Variants in PRDM16 observed in about 807,000 individuals in gnomAD.
PRDM16 encodes histone-lysine N-methyltransferase PRDM16.
A neutral mutation model predicts 110.6 loss-of-function variants in PRDM16; 23 were observed. The ratio of observed to expected loss-of-function variants is 0.21; its 90% CI spans 0.15 to 0.29. The LOEUF is 0.29. Ranked by LOEUF, PRDM16 falls within the 10% of genes least tolerant of loss-of-function variation. The pLI, the probability that PRDM16 is intolerant of heterozygous loss-of-function variation, is 1.00. For missense variants in PRDM16, 1,615 were observed against 1,794.3 expected (o/e 0.90, Z 1.81); for synonymous variants, 799 against 781.8 (o/e 1.02, Z -0.37).
At chr1:3,428,081 G>A (rs1019073752) in intron 14 of PRDM16, among the ~76,000 whole-genome samples, 3 of 152,208 alleles carry the variant, frequency 2.0e-5, no homozygotes, top group Admixed American at 6.5e-5. Context: ...CATCCTTGCC[G>A]GGGTGGGCCC....
intron 3 of PRDM16, among the ~76,000 whole-genome samples, chr1:3,268,296 G>A (rs536165457): frequency 2.6e-5 from 4 of 152,354 alleles, no homozygotes; most frequent in African/African-American, 4.8e-5. Context: ...GTCAGGCTCC[G>A]AGCAATTAGG....
intron 3 of PRDM16, among the ~76,000 whole-genome samples, chr1:3,376,827 G>A (rs1642998748): frequency 6.8e-6 from 1 of 147,498 alleles, no homozygotes; most frequent in Non-Finnish European, 1.5e-5. Context: ...CCGCCGACCA[G>A]GCCTCCTGTG....
Position 3,411,955 on chromosome 1 carries a change from C to T in PRDM16, c.1758C>T (p.Ser586=). ...AGTTCGAGAGCCGCCTGGAGGACTC[C>T]TGTGTGGAGAAGCTGAAGACCAGGA... The part of the protein sequence containing the change: ...EEKFESRLED[S]CVEKLKTRSS... The change falls in exon 9 of 17, where the codon TCC becomes TCT. Residue 586 remains serine (S), a synonymous_variant. Coordinates refer to ENST00000270722, the MANE Select transcript of PRDM16 (RefSeq NM_022114.4). 1 of 1,613,728 alleles carries T rather than the reference C, an allele frequency of 6.2e-7. No homozygotes were observed. The highest frequency in any genetic ancestry group is 1.1e-5 in the South Asian group (1 of 91,078).
At chr1:3,200,973 G>A (rs1380377024) in intron 2 of PRDM16, among the ~76,000 whole-genome samples, 1 of 135,216 alleles carries the variant, frequency 7.4e-6, no homozygotes, top group Non-Finnish European at 1.5e-5. Flanking sequence ...GAGAAGAGGA[G>A]GAGGAAGAGG....
chr1:3,324,164 C>T (rs1570072926), intron 3 of PRDM16, among the ~76,000 whole-genome samples: 2 of 152,096 alleles, frequency 1.3e-5, no homozygotes, highest in South Asian at 4.1e-4. Context: ...CCAGGGGTCT[C>T]CGTCTCTCCC....
intron 1 of PRDM16, among the ~76,000 whole-genome samples, chr1:3,107,983 A>C (rs1181172621): frequency 6.6e-6 from 1 of 152,270 alleles, no homozygotes; most frequent in African/African-American, 2.4e-5. Flanking sequence ...CAGCACTGGC[A>C]CTGCCACAGT....
intron 2 of PRDM16, among the ~76,000 whole-genome samples, chr1:3,193,598 A>C (rs1159734030): frequency 2.6e-5 from 4 of 152,292 alleles, no homozygotes; most frequent in Middle Eastern, 3.4e-3. Context: ...GCAGGCAAGG[A>C]AGGCTCAACC....
In PRDM16 at chr1:3,412,368, C is replaced by T. The variant is rs777156928; in HGVS notation, c.2171C>T (p.Ala724Val). ...CTGGGCTCGCTCCCCTACCACTCGG[C>T]GTTCCCCTTCCAGTTCCTGCCCAAC... is the stretch of plus-strand genomic sequence containing the variant. ...KKLGSLPYHS[A>V]FPFQFLPNFP... The change falls in exon 9 of 17, where the codon GCG becomes GTG. Residue 724 changes from alanine (A) to valine (V), a missense_variant. This residue lies in a region of PRDM16 where 772 missense variants were observed against 748.3 expected (regional missense o/e 1.03). Transcript: ENST00000270722. 8.7e-6 allele frequency: 14 copies of T among 1,613,408 alleles called. No homozygotes were observed. The highest frequency in any genetic ancestry group is 4.4e-5 in the South Asian group (4 of 91,084).
At chr1:3,173,222 A>C (rs1422570487) in intron 1 of PRDM16, among the ~76,000 whole-genome samples, 2 of 152,242 alleles carry the variant, frequency 1.3e-5, no homozygotes, top group African/African-American at 2.4e-5. Flanking sequence ...GTGGTATATT[A>C]ACCAAGGAAT....
rs1019217619 is a variant in PRDM16 at position 3,069,575 on chromosome 1, C to A, written c.37+279C>A. Among the ~76,000 whole-genome samples, 17 of 148,980 alleles carry A rather than the reference C, an allele frequency of 1.1e-4. No individual in the cohort carries two copies. The highest frequency in any genetic ancestry group is 1.1e-3 in the Admixed American group (17 of 15,126). ...CCCACCAGTGTCAGGCGCTCGGGCC[C>A]GGGAACCCGAGGCGCGCGGTGGGGG... On this transcript the variant is annotated intron_variant, in intron 1 of 16. Transcript: ENST00000270722. The surrounding 1 kb of genome is among the most constrained non-coding windows in gnomAD (Gnocchi z 6.1).
intron 16 of PRDM16, 31 bp downstream of exon 16, chr1:3,432,171 C>T (rs1421473360): frequency 1.3e-6 from 2 of 1,596,658 alleles, no homozygotes; most frequent in South Asian, 1.1e-5. Context: ...CTCCCCCACC[C>T]CACCTGGCCT....
intron 8 of PRDM16, 120 bp from the exon 9 acceptor site, chr1:3,411,264 C>A: frequency 9.7e-7 from 1 of 1,032,246 alleles, no homozygotes; most frequent in Non-Finnish European, 1.4e-6. Context: ...AGACAGACTG[C>A]TTCCAGCCCC....
At chr1:3,216,481 A>C (rs1241257718) in intron 2 of PRDM16, among the ~76,000 whole-genome samples, 1 of 152,218 alleles carries the variant, frequency 6.6e-6, no homozygotes, top group Non-Finnish European at 1.5e-5. Flanking sequence ...AGACACACCC[A>C]GACACATCCC....
intron 1 of PRDM16, among the ~76,000 whole-genome samples, chr1:3,101,668 C>T (rs555770297): frequency 6.6e-6 from 1 of 152,312 alleles, no homozygotes; most frequent in South Asian, 2.1e-4. Context: ...AGCCGGAAGC[C>T]ACCAAGTGAG....
chr1:3,231,628 G>T (rs754971359), intron 2 of PRDM16, among the ~76,000 whole-genome samples: 7 of 152,266 alleles, frequency 4.6e-5, no homozygotes, highest in Admixed American at 6.5e-5. Context: ...AGGAAGGAAG[G>T]TCGGAGGAAC....
At position 3,116,520 on chromosome 1, in the gene PRDM16, G is replaced by A. The variant is rs138729325; in HGVS notation, c.37+47224G>A. Among the ~76,000 whole-genome samples, 129 of 152,210 alleles carry A rather than the reference G, an allele frequency of 8.5e-4. 1 individual carries two copies. The highest frequency in any genetic ancestry group is 3.0e-3 in the African/African-American group (126 of 41,522). On this transcript the variant is annotated intron_variant, in intron 1 of 16. Coordinates refer to ENST00000270722, the MANE Select transcript of PRDM16 (RefSeq NM_022114.4). ...GGTCCTGGTCTGGGCTCTGTCACTC[G>A]GGGACGCGCCTGCTTGTCTTTCCCC...
intron 3 of PRDM16, among the ~76,000 whole-genome samples, chr1:3,275,815 C>A (rs549506811): frequency 6.6e-6 from 1 of 152,164 alleles, no homozygotes. Context: ...GAGAGCCGTG[C>A]ACATCCAGCG....
At position 3,434,269 on chromosome 1, in the gene PRDM16, C is replaced by G. The variant is rs147449014; in HGVS notation, c.*458C>G. The stretch of plus-strand genomic sequence containing the variant: ...ATAACCCTTTTGGTAACCGTATTGA[C>G]TGCAGAGTCTATTTAAGCATGTGGT... On this transcript the variant is annotated 3_prime_UTR_variant, in exon 17 of 17. Coordinates refer to ENST00000270722, the MANE Select transcript of PRDM16 (RefSeq NM_022114.4). 3 of 235,188 alleles carry G rather than the reference C, an allele frequency of 1.3e-5. No homozygotes were observed. The highest frequency in any genetic ancestry group is 1.3e-3 in the Middle Eastern group (1 of 792). 14.6% of individuals were successfully genotyped at this position (235,188 alleles called of 1,614,324 possible). A position where few individuals can be genotyped will look rare whatever the true frequency, so the allele number is the denominator to read the frequency against.
intron 3 of PRDM16, among the ~76,000 whole-genome samples, chr1:3,295,146 T>C (rs1641059300): frequency 6.6e-6 from 1 of 152,208 alleles, no homozygotes; most frequent in Non-Finnish European, 1.5e-5. Context: ...TGTACATTCT[T>C]GGCACTGCTG....
Sources: gnomAD v4.1 joint callset for allele counts (sites outside exome capture counted in the v4.1 genomes callset) on GRCh38, gnomAD v4.1.1 for gene constraint, gnomAD v4.1.1 regional missense constraint, Gnocchi (gnomAD v3.1) non-coding constraint, MANE v1.5 for transcripts, NCBI Gene and HGNC (gene_info 2026-07-23, HGNC 2026-07-21) for gene names.